Variants in TIMELESS observed in about 807,000 individuals in gnomAD.
TIMELESS encodes the protein timeless circadian regulator.
Under a neutral mutation model 164.3 loss-of-function variants are expected in TIMELESS, and 124 were observed. The observed-to-expected ratio is 0.75, with a 90% CI of 0.65 to 0.88. The LOEUF (loss-of-function observed/expected upper bound fraction) is 0.88. Among genes scored for constraint, TIMELESS ranks in the 40% least tolerant of loss-of-function variants. The pLI, the probability that TIMELESS is intolerant of heterozygous loss-of-function variation, is 0.00. For synonymous variants in TIMELESS, 564 were observed against 563.4 expected (o/e 1.00, Z -0.02); for missense variants, 1,422 against 1,491.4 (o/e 0.95, Z 0.77).
rs773566138 is a variant in TIMELESS at position 56,424,921 on chromosome 12, T to C, written c.1717-8A>G. On this transcript the variant is annotated splice_region_variant and splice_polypyrimidine_tract_variant and intron_variant, in intron 14 of 28. Coordinates refer to ENST00000553532, the MANE Select transcript of TIMELESS (RefSeq NM_003920.5). ...CATGCTGAGCTCAGAATTCTAGAGA[T>C]GGATAAAGCTATGGGAGCGGAGGGA... 5.0e-6 allele frequency: 8 copies of C among 1,613,996 alleles called. No individual in the cohort carries two copies. The highest frequency in any genetic ancestry group is 5.9e-6 in the Non-Finnish European group (7 of 1,180,018).
In TIMELESS at chr12:56,428,222, G is replaced by A; in HGVS notation, c.1578+14C>T. Reference sequence around the variant, plus strand: ...CCCTTACAGCTCTTTCTACATTGTGGGGCTGCCCAGTACCTGCACCACCAG... The same window carrying A: ...CCCTTACAGCTCTTTCTACATTGTGAGGCTGCCCAGTACCTGCACCACCAG... On this transcript the variant is annotated intron_variant, in intron 13 of 28. Coordinates refer to ENST00000553532, the MANE Select transcript of TIMELESS (RefSeq NM_003920.5). 6.4e-7 allele frequency: 1 copy of A among 1,574,184 alleles called. No individual in the cohort carries two copies. The highest frequency in any genetic ancestry group is 8.6e-7 in the Non-Finnish European group (1 of 1,157,568).
chr12:56,425,480 T>C (rs549338169), intron 13 of TIMELESS, among the ~76,000 whole-genome samples: 34 of 152,230 alleles, frequency 2.2e-4, no homozygotes, highest in African/African-American at 7.2e-4. Flanking sequence ...TCTCAAGAGG[T>C]CTACAGAATA....
chr12:56,425,890 A>G (rs1042836160), intron 13 of TIMELESS, among the ~76,000 whole-genome samples: 1 of 152,000 alleles, frequency 6.6e-6, no homozygotes, highest in Non-Finnish European at 1.5e-5. Context: ...ATAAATAAAT[A>G]AATAAATAAT....
chr12:56,434,095 GGTAA>G lies in TIMELESS; in HGVS notation c.72_75del (p.Tyr25IlefsTer7), dbSNP rs752330759. On this transcript the variant is annotated frameshift_variant, in exon 2 of 29. Coordinates refer to ENST00000553532, the MANE Select transcript of TIMELESS (RefSeq NM_003920.5). LOFTEE classifies it high-confidence loss of function. ...TCACCTAAGCAATCTGGTTCCTTAT[GGTAA>G]GTGTCTCCCTCCAAGTACCCAAGGG... 32 of 1,613,996 alleles carry G rather than the reference GGTAA, an allele frequency of 2.0e-5. No individual in the cohort carries two copies. The highest frequency in any genetic ancestry group is 2.3e-5 in the Non-Finnish European group (27 of 1,180,014).
Position 56,433,672 on chromosome 12 carries a change from G to A in TIMELESS, c.252-20C>T, listed in dbSNP as rs747751030. ...ATCAGTCTGGGAGACAATGAAGGAG[G>A]GAGAAGTTGTTAAGTTTCTTTACCA... On this transcript the variant is annotated intron_variant, in intron 3 of 28. Transcript: ENST00000553532. 5.3e-5 allele frequency: 85 copies of A among 1,613,734 alleles called. No individual in the cohort carries two copies. The highest frequency in any genetic ancestry group is 3.3e-4 in the Middle Eastern group (2 of 6,082).
At chr12:56,424,668 G>A (rs1881612803) in intron 15 of TIMELESS, 94 bp downstream of exon 15, 2 of 1,468,950 alleles carry the variant, frequency 1.4e-6, no homozygotes, top group Non-Finnish European at 9.2e-7. Context: ...GCCTTGATGA[G>A]ACAACTCTCT....
chr12:56,444,664 A>G (rs1306538657), intron 1 of TIMELESS, among the ~76,000 whole-genome samples: 1 of 151,188 alleles, frequency 6.6e-6, no homozygotes, highest in Admixed American at 6.6e-5. Context: ...CTCCGACCGC[A>G]GCCTCCCAAA....
In TIMELESS at chr12:56,433,585, G is replaced by A. The variant is rs751726906; in HGVS notation, c.319C>T (p.Arg107Trp). 21 of 1,614,086 alleles carry A rather than the reference G, an allele frequency of 1.3e-5. No homozygotes were observed. The highest frequency in any genetic ancestry group is 1.2e-4 in the African/African-American group (9 of 74,930). Residue 107 changes from arginine to tryptophan, a missense_variant, in exon 4 of 29, where the codon CGG becomes TGG. Physicochemically the swap from Arg to Trp is moderately radical, Grantham distance 101. Transcript: ENST00000553532. ...GTTAGCACCTGCAAAAAATGGTGCC[G>A]AAAGCTGGGCTCCTTAGGCAGATTG... Reference protein sequence around the residue: ...FGNLPKEPSFRHHFLQVLTYL... With the variant: ...FGNLPKEPSFWHHFLQVLTYL...
chr12:56,431,640 A>T, intron 7 of TIMELESS, 36 bp from the exon 8 acceptor site: 5 of 1,600,676 alleles, frequency 3.1e-6, no homozygotes, highest in Non-Finnish European at 4.3e-6. Context: ...TCAGGAGGAC[A>T]GTCATTCCTT....
chr12:56,433,333 G>A (rs1881957060), intron 5 of TIMELESS, 48 bp downstream of exon 5: 5 of 1,598,758 alleles, frequency 3.1e-6, no homozygotes, highest in South Asian at 2.2e-5. Flanking sequence ...CCCGGAGAAG[G>A]TGCAAAATGC....
chr12:56,419,540 C>T (rs966363851), intron 26 of TIMELESS, among the ~76,000 whole-genome samples: 3 of 150,500 alleles, frequency 2.0e-5, no homozygotes, highest in Non-Finnish European at 3.0e-5. Context: ...CATGATTAAC[C>T]ATTTGGAGGC....
chr12:56,447,182 GTTTTTTT>G (rs144004569), intron 1 of TIMELESS, among the ~76,000 whole-genome samples: 32,164 of 90,282 alleles, frequency 0.36, 3,374 homozygotes, highest in South Asian at 0.47. Flanking sequence ...GCTAATTTTT[GTTTTTTT>G]TTTTTTTTTT....
Position 56,421,408 on chromosome 12 carries a change from C to T in TIMELESS, c.2811G>A (p.Val937=), listed in dbSNP as rs765615967. 41 of 1,614,028 alleles carry T rather than the reference C, an allele frequency of 2.5e-5. No individual in the cohort carries two copies. Among genetic ancestry groups the T allele is most frequent in the African/African-American group, 2.5e-4 (19 of 74,912 alleles). The part of the protein sequence containing the change: ...IVDKLLALGL[V]AERRELYKKR... ...TCTTGTACAGCTCCCGCCGCTCAGC[C>T]ACCAGCCCCAGAGCCAAGAGTTTAT... The change falls in exon 23 of 29, where the codon GTG becomes GTA. Residue 937 remains valine (V), a synonymous_variant. Coordinates refer to ENST00000553532, the MANE Select transcript of TIMELESS (RefSeq NM_003920.5).
At chr12:56,446,533 C>T (rs1442243725) in intron 1 of TIMELESS, among the ~76,000 whole-genome samples, 1 of 152,046 alleles carries the variant, frequency 6.6e-6, no homozygotes, top group African/African-American at 2.4e-5. Flanking sequence ...CAGCTTAGCT[C>T]TGAAGACTCT....
intron 1 of TIMELESS, among the ~76,000 whole-genome samples, chr12:56,446,405 G>A (rs1868350022): frequency 6.6e-6 from 1 of 151,802 alleles, no homozygotes; most frequent in South Asian, 2.1e-4. Flanking sequence ...CAAAACTAAA[G>A]TTTCAGTGAC....
At chr12:56,432,612 C>T in intron 6 of TIMELESS, 88 bp from the exon 7 acceptor site, 2 of 1,529,586 alleles carry the variant, frequency 1.3e-6, no homozygotes, top group South Asian at 1.2e-5. Context: ...TTTGACCAAG[C>T]CTCCTCTCCC....
rs67588306 is a variant in TIMELESS, at chr12:56,439,391, CTT to C, written c.-61-5162_-61-5161del. Among the ~76,000 whole-genome samples the C allele has an allele frequency of 5.7e-3, 783 of 136,404 alleles. 10 individuals carry two copies. The highest frequency in any genetic ancestry group is 0.018 in the African/African-American group (670 of 36,502). The allele number at this position is 136,404 out of a possible 152,430, so 89.5% of individuals were successfully genotyped here. On this transcript the variant is annotated intron_variant, in intron 1 of 28. Coordinates refer to ENST00000553532, the MANE Select transcript of TIMELESS (RefSeq NM_003920.5). Reference sequence around the variant, plus strand: ...AATCACAGAATTGTACAGGGGTTTTCTTTTTTTTTTTTTTTCTTTTGAGACAG... The same window carrying C: ...AATCACAGAATTGTACAGGGGTTTTCTTTTTTTTTTTTTCTTTTGAGACAG...
intron 18 of TIMELESS, 71 bp downstream of exon 18, chr12:56,423,203 T>C: frequency 6.4e-7 from 1 of 1,561,246 alleles, no homozygotes; most frequent in Non-Finnish European, 8.7e-7. Context: ...ACCTTCTATC[T>C]CCTGAAGATT....
At chr12:56,422,756 T>G in intron 19 of TIMELESS, 91 bp downstream of exon 19, 3 of 1,383,044 alleles carry the variant, frequency 2.2e-6, no homozygotes, top group South Asian at 1.4e-5. Context: ...GTGGGCTAAA[T>G]GACATGCAAG....
Sources: gnomAD v4.1 joint callset for allele counts (sites outside exome capture counted in the v4.1 genomes callset) on GRCh38, gnomAD v4.1.1 for gene constraint, MANE v1.5 for transcripts, NCBI Gene and HGNC (gene_info 2026-07-23, HGNC 2026-07-21) for gene names.